Variants in PTPRD observed in about 807,000 individuals in gnomAD.
PTPRD encodes receptor-type tyrosine-protein phosphatase delta.
PTPRD carries 34 observed loss-of-function variants against 214.5 expected under a neutral mutation model. The observed-to-expected ratio is 0.16, with a 90% confidence interval of 0.12 to 0.21. PTPRD has a LOEUF of 0.21. PTPRD is among the 10% of genes least tolerant of loss of function. The pLI is 1.00. For synonymous variants in PTPRD, 1,128 were observed against 845.7 expected (o/e 1.33, Z -5.79); for missense variants, 2,545 against 2,398.7 (o/e 1.06, Z -1.27).
intron 8 of PTPRD, among the ~76,000 whole-genome samples, chr9:9,436,820 G>T (rs1322511788): frequency 6.6e-6 from 1 of 151,978 alleles, no homozygotes; most frequent in Non-Finnish European, 1.5e-5. Context: ...TTTCCACACT[G>T]GTTCCTGGAG....
chr9:9,061,347 C>T (rs2099706991), intron 10 of PTPRD, among the ~76,000 whole-genome samples: 1 of 152,202 alleles, frequency 6.6e-6, no homozygotes, highest in Non-Finnish European at 1.5e-5. Context: ...ATTTCTGTTT[C>T]AATGACTAAC....
At chr9:8,810,623 C>T (rs1041265877) in intron 11 of PTPRD, among the ~76,000 whole-genome samples, 1 of 152,152 alleles carries the variant, frequency 6.6e-6, no homozygotes, top group Non-Finnish European at 1.5e-5. Context: ...GTCATCACGT[C>T]TTTAGTGTTT....
intron 2 of PTPRD, among the ~76,000 whole-genome samples, chr9:10,538,336 A>G (rs1335999): frequency 0.84 from 127,743 of 151,216 alleles, 54,520 homozygotes; most frequent in South Asian, 0.92. Flanking sequence ...AGAGATGATG[A>G]AGAAAAACAT....
chr9:9,246,647 C>T (rs4568657), intron 9 of PTPRD, among the ~76,000 whole-genome samples: 78,032 of 151,716 alleles, frequency 0.51, 20,405 homozygotes, highest in African/African-American at 0.59. Context: ...AAGTATGTAA[C>T]TGCTCACACC....
intron 2 of PTPRD, among the ~76,000 whole-genome samples, chr9:10,343,011 G>A (rs745430818): frequency 2.0e-5 from 3 of 152,070 alleles, no homozygotes; most frequent in East Asian, 3.9e-4. Context: ...AAGTTCTAGG[G>A]TACATGTGCA....
intron 5 of PTPRD, among the ~76,000 whole-genome samples, chr9:9,827,995 C>A (rs2153594828): frequency 6.6e-6 from 1 of 152,214 alleles, no homozygotes; most frequent in South Asian, 2.1e-4. Flanking sequence ...GTTAAAAAGT[C>A]AGGAAACAAC....
At chr9:9,035,308 T>C (rs1409089974) in intron 10 of PTPRD, among the ~76,000 whole-genome samples, 1 of 152,114 alleles carries the variant, frequency 6.6e-6, no homozygotes, top group African/African-American at 2.4e-5. Context: ...GTAGAAAACC[T>C]GTATATAAAG....
At chr9:9,959,859 G>A (rs373317400) in intron 4 of PTPRD, among the ~76,000 whole-genome samples, 1 of 152,158 alleles carries the variant, frequency 6.6e-6, no homozygotes. Context: ...GATTAGAGTT[G>A]TAGACATTGG....
intron 8 of PTPRD, among the ~76,000 whole-genome samples, chr9:9,527,607 A>G (rs1045269511): frequency 4.6e-5 from 7 of 152,206 alleles, no homozygotes; most frequent in Admixed American, 3.3e-4. Flanking sequence ...TTTGTCCAGC[A>G]TGATTCTCTA....
intron 2 of PTPRD, among the ~76,000 whole-genome samples, chr9:10,493,678 TC>T (rs1339714313): frequency 6.6e-6 from 1 of 152,036 alleles, no homozygotes. Flanking sequence ...ACACTCCTAT[TC>T]TTATATTTTC....
intron 2 of PTPRD, among the ~76,000 whole-genome samples, chr9:10,442,711 C>G (rs1566063521): frequency 6.6e-6 from 1 of 151,440 alleles, no homozygotes; most frequent in Non-Finnish European, 1.5e-5. Context: ...AAGGGGAAAA[C>G]AAGGCAAGCA....
chr9:9,142,907 G>C (rs535063643), intron 10 of PTPRD, among the ~76,000 whole-genome samples: 64 of 152,118 alleles, frequency 4.2e-4, no homozygotes, highest in African/African-American at 1.5e-3. Flanking sequence ...GCTTCCTGTT[G>C]AGTTCAACCC....
intron 5 of PTPRD, among the ~76,000 whole-genome samples, chr9:9,883,228 A>G (rs1042792434): frequency 1.3e-5 from 2 of 152,160 alleles, no homozygotes; most frequent in African/African-American, 2.4e-5. Context: ...TAGGCCCCAG[A>G]TAAGTTTATT....
At chr9:8,599,167 C>A (rs1174204434) in intron 14 of PTPRD, among the ~76,000 whole-genome samples, 1 of 152,076 alleles carries the variant, frequency 6.6e-6, no homozygotes, top group Admixed American at 6.6e-5. Flanking sequence ...TGCATTCCAC[C>A]ATGTAAAACA....
chr9:8,863,633 T>C (rs139611855), intron 11 of PTPRD, among the ~76,000 whole-genome samples: 58 of 152,312 alleles, frequency 3.8e-4, no homozygotes, highest in African/African-American at 1.3e-3. Context: ...TTCTATTTAG[T>C]ATAAACATTT....
intron 39 of PTPRD, among the ~76,000 whole-genome samples, chr9:8,363,947 G>A (rs2079129906): frequency 6.6e-6 from 1 of 152,084 alleles, no homozygotes; most frequent in Non-Finnish European, 1.5e-5. Flanking sequence ...AAATTCTCTC[G>A]GCAGCTGTAC....
chr9:9,030,438 G>C (rs1234488832), intron 10 of PTPRD, among the ~76,000 whole-genome samples: 2 of 151,602 alleles, frequency 1.3e-5, no homozygotes, highest in African/African-American at 4.8e-5. Flanking sequence ...ACTTACCACA[G>C]ACAGACTGAT....
At chr9:9,464,559 T>C (rs183759737) in intron 8 of PTPRD, among the ~76,000 whole-genome samples, 41 of 152,256 alleles carry the variant, frequency 2.7e-4, no homozygotes, top group East Asian at 3.9e-4. Context: ...GAGACACATT[T>C]AGTGGTATGT....
chr9:9,624,045 C>T (rs1392491334), intron 7 of PTPRD, among the ~76,000 whole-genome samples: 2 of 152,078 alleles, frequency 1.3e-5, no homozygotes, highest in Non-Finnish European at 2.9e-5. Flanking sequence ...ATGATTAGAG[C>T]AAATCAGACA....
Sources: allele counts gnomAD v4.1 joint callset (sites outside exome capture counted in the v4.1 genomes callset), GRCh38; gene constraint gnomAD v4.1.1; transcripts MANE v1.5; gene names NCBI Gene and HGNC (gene_info 2026-07-23, HGNC 2026-07-21).